The following LDB2 variants were observed in gnomAD, a reference collection of about 807,000 sequenced individuals.
LDB2 encodes LIM domain-binding protein 2.
A neutral mutation model predicts 44.3 loss-of-function variants in LDB2; 12 were observed. The observed-to-expected ratio is 0.27, with a 90% CI of 0.17 to 0.44. LDB2 has a LOEUF of 0.44. Among genes scored for constraint, LDB2 ranks in the 20% least tolerant of loss-of-function variants. The pLI is 1.00. For synonymous variants in LDB2, 164 were observed against 174.8 expected (o/e 0.94, Z 0.49); for missense variants, 344 against 473.5 (o/e 0.73, Z 2.54).
At chr4:16,515,582 A>G (rs942248778) in intron 5 of LDB2, among the ~76,000 whole-genome samples, 5 of 152,254 alleles carry the variant, frequency 3.3e-5, no homozygotes, top group African/African-American at 7.2e-5. Context: ...TTATCCCTCA[A>G]AGAAGTACCA....
chr4:16,704,931 G>T (rs1754284240), intron 2 of LDB2, among the ~76,000 whole-genome samples: 1 of 152,104 alleles, frequency 6.6e-6, no homozygotes, highest in Non-Finnish European at 1.5e-5. Flanking sequence ...CTTCCTCTAG[G>T]TCTATGATTA....
At chr4:16,863,627 T>A (rs1713505322) in intron 1 of LDB2, among the ~76,000 whole-genome samples, 1 of 148,900 alleles carries the variant, frequency 6.7e-6, no homozygotes, top group African/African-American at 2.5e-5. Flanking sequence ...GGCCTGACTC[T>A]AAGACCTCCT....
chr4:16,566,047 A>G (rs1471155172), intron 5 of LDB2, among the ~76,000 whole-genome samples: 1 of 152,070 alleles, frequency 6.6e-6, no homozygotes, highest in Non-Finnish European at 1.5e-5. Context: ...AAAGGAGTTC[A>G]TTGGAGAAGC....
At chr4:16,730,549 C>T (rs1170372974) in intron 2 of LDB2, among the ~76,000 whole-genome samples, 2 of 152,142 alleles carry the variant, frequency 1.3e-5, no homozygotes, top group South Asian at 2.1e-4. Flanking sequence ...CCAAGCACTT[C>T]CCATACATCA....
intron 1 of LDB2, among the ~76,000 whole-genome samples, chr4:16,799,600 C>T (rs1004378296): frequency 6.6e-6 from 1 of 152,192 alleles, no homozygotes; most frequent in African/African-American, 2.4e-5. Context: ...AATTTGATTT[C>T]TCCCCTCACA....
chr4:16,555,062 G>A (rs1739035113), intron 5 of LDB2, among the ~76,000 whole-genome samples: 1 of 150,918 alleles, frequency 6.6e-6, no homozygotes, highest in Admixed American at 6.6e-5. Flanking sequence ...CAATTTTGCT[G>A]TGAACCTAAA....
intron 2 of LDB2, among the ~76,000 whole-genome samples, chr4:16,614,836 C>T (rs949114014): frequency 1.7e-4 from 25 of 150,904 alleles, no homozygotes; most frequent in African/African-American, 5.3e-4. Flanking sequence ...TTTGGGAGGC[C>T]GAGGCGGGCG....
At position 16,755,472 on chromosome 4, in the gene LDB2, G is replaced by GGTGTGTGTGTGTGTGT. The variant is rs58186199; in HGVS notation, c.235+3670_235+3685dup. On this transcript the variant is annotated intron_variant, in intron 2 of 7. Coordinates refer to ENST00000304523, the MANE Select transcript of LDB2 (RefSeq NM_001290.5). ...TAGCTATGGCATGATGTAGGAATAG[G>GGTGTGTGTGTGTGTGT]GTGTGTGTGTGTGTGTGTGTGTGTG... Among the ~76,000 whole-genome samples the GGTGTGTGTGTGTGTGT allele has an allele frequency of 3.3e-4, 39 of 118,290 alleles. 2 individuals are homozygous for GGTGTGTGTGTGTGTGT. Among genetic ancestry groups the GGTGTGTGTGTGTGTGT allele is most frequent in the African/African-American group, 1.0e-3 (31 of 30,440 alleles). The allele number at this position is 118,290 out of a possible 152,430, so 77.6% of individuals were successfully genotyped here.
At chr4:16,805,330 T>C (rs1220613240) in intron 1 of LDB2, among the ~76,000 whole-genome samples, 1 of 152,250 alleles carries the variant, frequency 6.6e-6, no homozygotes, top group African/African-American at 2.4e-5. Context: ...GTCAACAAAC[T>C]CATTTCTATA....
chr4:16,523,922 CCTAG>C (rs1052426221), intron 5 of LDB2, among the ~76,000 whole-genome samples: 4 of 152,090 alleles, frequency 2.6e-5, no homozygotes, highest in African/African-American at 9.7e-5. Flanking sequence ...AATATTACGC[CCTAG>C]CTAAGTTGAC....
intron 2 of LDB2, among the ~76,000 whole-genome samples, chr4:16,691,492 G>T (rs1296168426): frequency 2.0e-5 from 3 of 152,190 alleles, no homozygotes; most frequent in African/African-American, 7.2e-5. Context: ...TAGAGGTAAA[G>T]AACAGTGTAG....
At chr4:16,586,124 G>A (rs1716704043) in intron 4 of LDB2, 119 bp from the exon 5 acceptor site, 1 of 744,318 alleles carries the variant, frequency 1.3e-6, no homozygotes, top group Admixed American at 2.2e-5. Flanking sequence ...TTATTTGGAG[G>A]GCAGGCTGCT....
chr4:16,888,243 A>G (rs1042551672), intron 1 of LDB2, among the ~76,000 whole-genome samples: 1 of 152,234 alleles, frequency 6.6e-6, no homozygotes, highest in Non-Finnish European at 1.5e-5. Flanking sequence ...CCATTCAGAC[A>G]GCCCTGCAAA....
At chr4:16,854,201 T>C (rs1788864521) in intron 1 of LDB2, among the ~76,000 whole-genome samples, 1 of 152,132 alleles carries the variant, frequency 6.6e-6, no homozygotes, top group Non-Finnish European at 1.5e-5. Context: ...GGACTGTTAT[T>C]TGCTTTACTA....
At chr4:16,716,348 C>T (rs181920270) in intron 2 of LDB2, among the ~76,000 whole-genome samples, 35 of 152,156 alleles carry the variant, frequency 2.3e-4, no homozygotes, top group African/African-American at 6.7e-4. Flanking sequence ...CCCGCATTCA[C>T]GGAATAATAC....
intron 1 of LDB2, among the ~76,000 whole-genome samples, chr4:16,896,782 T>C (rs539111337): frequency 6.6e-6 from 1 of 152,278 alleles, no homozygotes; most frequent in East Asian, 1.9e-4. Flanking sequence ...TGTCAACCAA[T>C]GGTTTATGCA....
chr4:16,514,441 C>A (rs1370384209), intron 5 of LDB2, among the ~76,000 whole-genome samples: 1 of 152,194 alleles, frequency 6.6e-6, no homozygotes, highest in Non-Finnish European at 1.5e-5. Flanking sequence ...CTTGCACAAA[C>A]CCCCAGTGGT....
intron 5 of LDB2, among the ~76,000 whole-genome samples, chr4:16,539,235 G>T (rs1227677909): frequency 6.6e-6 from 1 of 151,610 alleles, no homozygotes; most frequent in Non-Finnish European, 1.5e-5. Context: ...TTGGGAGACA[G>T]GTGGGTATTA....
chr4:16,630,734 T>C (rs1004713057), intron 2 of LDB2, among the ~76,000 whole-genome samples: 1 of 152,020 alleles, frequency 6.6e-6, no homozygotes, highest in Non-Finnish European at 1.5e-5. Context: ...AGTAAAGGGA[T>C]GGAGGAAGAT....
Sources: allele counts gnomAD v4.1 joint callset (sites outside exome capture counted in the v4.1 genomes callset), GRCh38; gene constraint gnomAD v4.1.1; transcripts MANE v1.5; gene names NCBI Gene and HGNC (gene_info 2026-07-23, HGNC 2026-07-21).